The following CAMK4 variants were observed in gnomAD, a reference collection of about 807,000 sequenced individuals.
The protein encoded by CAMK4 is calcium/calmodulin-dependent protein kinase type IV.
In CAMK4, 22 loss-of-function variants were observed where a neutral mutation model predicts 44.9. The ratio of observed to expected loss-of-function variants is 0.49; its 90% CI spans 0.35 to 0.70. The LOEUF (loss-of-function observed/expected upper bound fraction) is 0.70, where lower values mean the gene tolerates loss of function less well. CAMK4 is among the 30% of genes least tolerant of loss of function. The pLI is 0.01. For synonymous variants in CAMK4, 218 were observed against 215.4 expected (o/e 1.01, Z -0.11); for missense variants, 498 against 586.8 (o/e 0.85, Z 1.56).
At chr5:111,353,102 A>G (rs1267185126) in intron 2 of CAMK4, among the ~76,000 whole-genome samples, 1 of 152,136 alleles carries the variant, frequency 6.6e-6, no homozygotes, top group Non-Finnish European at 1.5e-5. Context: ...TATGGTTTAT[A>G]GAAAGCCAGG....
chr5:111,446,752 G>A lies in CAMK4; in HGVS notation c.526G>A (p.Ala176Thr), dbSNP rs778292987. 1 of 1,607,126 alleles carries A rather than the reference G, an allele frequency of 6.2e-7. No individual in the cohort carries two copies. Among genetic ancestry groups the A allele is most frequent in the Non-Finnish European group, 8.5e-7 (1 of 1,173,912 alleles). Residue 176 changes from alanine (A) to threonine (T), a missense_variant, in exon 6 of 11, where the codon GCC becomes ACC. Physicochemically the swap from Ala to Thr is moderately conservative, Grantham distance 58. Transcript: ENST00000282356. ...KPENLLYATPAPDAPLKIADF... is the reference protein window; with the variant it reads ...KPENLLYATPTPDAPLKIADF... The stretch of plus-strand genomic sequence containing the variant: ...AGAGAATCTTCTTTATGCAACTCCA[G>A]CCCCAGATGCACCACTCAAAATCGG...
chr5:111,245,233 A>G (rs547692523), intron 1 of CAMK4, among the ~76,000 whole-genome samples: 16 of 152,164 alleles, frequency 1.1e-4, no homozygotes, highest in African/African-American at 1.4e-4. Flanking sequence ...GCCAGCACCC[A>G]ATTTGCATTA....
chr5:111,407,116 G>T (rs1198277318), intron 5 of CAMK4, among the ~76,000 whole-genome samples: 2 of 152,128 alleles, frequency 1.3e-5, no homozygotes, highest in Non-Finnish European at 2.9e-5. Flanking sequence ...CACTTTGGGA[G>T]GTCAAAGCAG....
intron 1 of CAMK4, among the ~76,000 whole-genome samples, chr5:111,284,730 T>A (rs1054951860): frequency 3.3e-5 from 5 of 152,356 alleles, no homozygotes; most frequent in South Asian, 2.1e-4. Context: ...TTTTTCCTGA[T>A]GTTATTTTTG....
intron 5 of CAMK4, among the ~76,000 whole-genome samples, chr5:111,411,426 G>C (rs1752628759): frequency 6.6e-6 from 1 of 152,214 alleles, no homozygotes; most frequent in South Asian, 2.1e-4. Flanking sequence ...AGTTCTAAGA[G>C]TTGTCAATTC....
chr5:111,389,650 C>G (rs115521745), intron 4 of CAMK4, among the ~76,000 whole-genome samples: 1 of 152,124 alleles, frequency 6.6e-6, no homozygotes, highest in African/African-American at 2.4e-5. Context: ...AAAGCTCTAG[C>G]CTGGGTGAGT....
intron 7 of CAMK4, among the ~76,000 whole-genome samples, chr5:111,471,615 A>G (rs1414367122): frequency 2.0e-5 from 3 of 152,232 alleles, no homozygotes; most frequent in African/African-American, 7.2e-5. Context: ...TTAGTGTCTC[A>G]GACTAGATCC....
intron 1 of CAMK4, among the ~76,000 whole-genome samples, chr5:111,329,341 C>T (rs1430429752): frequency 6.6e-6 from 1 of 151,860 alleles, no homozygotes; most frequent in Non-Finnish European, 1.5e-5. Flanking sequence ...CCTCTCTCAC[C>T]ACTCCTATTC....
At chr5:111,447,645 C>G (rs183269197) in intron 6 of CAMK4, among the ~76,000 whole-genome samples, 11 of 152,292 alleles carry the variant, frequency 7.2e-5, no homozygotes. Context: ...TGAATTCTCA[C>G]TAGTGGAATC....
intron 1 of CAMK4, among the ~76,000 whole-genome samples, chr5:111,229,570 A>G (rs1404494457): frequency 2.0e-5 from 3 of 152,250 alleles, no homozygotes; most frequent in South Asian, 2.1e-4. Context: ...TGGTCAACCA[A>G]TTTCCTAAAC....
intron 2 of CAMK4, chr5:111,358,131 TAC>T (rs1457024426): frequency 3.3e-5 from 5 of 152,134 alleles, no homozygotes; most frequent in Non-Finnish European, 7.4e-5. Context: ...GCTTGTAAGT[TAC>T]ACTGTGAAGA....
chr5:111,451,602 A>G (rs1171017316), intron 7 of CAMK4, among the ~76,000 whole-genome samples: 5 of 152,042 alleles, frequency 3.3e-5, no homozygotes, highest in Admixed American at 3.3e-4. Flanking sequence ...TTAATTTTTT[A>G]TACCTCAAAA....
At chr5:111,362,696 A>G (rs1750640648) in intron 2 of CAMK4, among the ~76,000 whole-genome samples, 1 of 151,990 alleles carries the variant, frequency 6.6e-6, no homozygotes, top group South Asian at 2.1e-4. Flanking sequence ...CTTAACATTA[A>G]TTCTCTCTTT....
At chr5:111,370,109 G>A (rs1750947074) in intron 2 of CAMK4, among the ~76,000 whole-genome samples, 1 of 152,108 alleles carries the variant, frequency 6.6e-6, no homozygotes, top group Admixed American at 6.5e-5. Flanking sequence ...AAATGATGAT[G>A]TGGAGTATCG....
At chr5:111,377,367 A>G (rs893970222) in intron 4 of CAMK4, among the ~76,000 whole-genome samples, 1 of 152,094 alleles carries the variant, frequency 6.6e-6, no homozygotes, top group Non-Finnish European at 1.5e-5. Flanking sequence ...TAATCTTCAA[A>G]TGATTATTTT....
chr5:111,417,486 G>T (rs1191008896), intron 5 of CAMK4, among the ~76,000 whole-genome samples: 6 of 151,828 alleles, frequency 4.0e-5, no homozygotes, highest in Non-Finnish European at 8.8e-5. Flanking sequence ...AAAGTGCTGG[G>T]ATTACAGGCA....
At chr5:111,236,159 C>G (rs960569825) in intron 1 of CAMK4, among the ~76,000 whole-genome samples, 3 of 152,208 alleles carry the variant, frequency 2.0e-5, no homozygotes, top group Admixed American at 6.5e-5. Context: ...AGCACATAAA[C>G]TTAATATTAT....
At chr5:111,438,098 A>G (rs1397585209) in intron 5 of CAMK4, among the ~76,000 whole-genome samples, 1 of 152,194 alleles carries the variant, frequency 6.6e-6, no homozygotes, top group African/African-American at 2.4e-5. Flanking sequence ...AGAGAAAGTC[A>G]ATTTTTGACT....
At chr5:111,324,068 TAACAA>T (rs1011346203) in intron 1 of CAMK4, among the ~76,000 whole-genome samples, 1 of 151,906 alleles carries the variant, frequency 6.6e-6, no homozygotes, top group Non-Finnish European at 1.5e-5. Context: ...GGACAACCAC[TAACAA>T]AATAATAAAA....
Sources: allele counts gnomAD v4.1 joint callset (sites outside exome capture counted in the v4.1 genomes callset), GRCh38; gene constraint gnomAD v4.1.1; transcripts MANE v1.5; gene names NCBI Gene and HGNC (gene_info 2026-07-23, HGNC 2026-07-21).